CYP7B1: variants seen among roughly 807,000 people sequenced by gnomAD.
The protein encoded by CYP7B1 is cytochrome P450 7B1.
In CYP7B1, 29 loss-of-function variants were observed where a neutral mutation model predicts 42.7. The observed-to-expected ratio is 0.68, with a 90% CI of 0.51 to 0.93. The LOEUF is 0.93. Ranked by LOEUF, CYP7B1 falls within the 40% of genes least tolerant of loss-of-function variation. CYP7B1 has a pLI of 0.00. For synonymous variants in CYP7B1, 235 were observed against 218.2 expected (o/e 1.08, Z -0.68); for missense variants, 655 against 600.5 (o/e 1.09, Z -0.95).
Position 64,714,680 on chromosome 8 carries a change from C to T in CYP7B1, c.122+83786G>A, listed in dbSNP as rs114487791. ...CCTCAGTGATGGACAGGTCTGGACA[C>T]GACAACATCCCATTTCTGGTTCTGT... On this transcript the variant is annotated intron_variant, in intron 1 of 5. Transcript: ENST00000310193. Among the ~76,000 whole-genome samples the T allele has an allele frequency of 5.3e-4, 80 of 152,266 alleles. 1 individual carries two copies. The highest frequency in any genetic ancestry group is 1.7e-3 in the African/African-American group (72 of 41,550).
chr8:64,766,245 C>T (rs527983094), intron 1 of CYP7B1, among the ~76,000 whole-genome samples: 1 of 152,250 alleles, frequency 6.6e-6, no homozygotes, highest in South Asian at 2.1e-4. Flanking sequence ...ATGATGTCCA[C>T]TATAACATAG....
intron 4 of CYP7B1, among the ~76,000 whole-genome samples, chr8:64,610,901 A>G (rs1805353421): frequency 6.6e-6 from 1 of 152,168 alleles, no homozygotes; most frequent in Admixed American, 6.6e-5. Context: ...GTTTAGCAAC[A>G]TTTCTGAACC....
intron 1 of CYP7B1, among the ~76,000 whole-genome samples, chr8:64,646,689 T>A (rs1332941583): frequency 6.6e-6 from 1 of 152,212 alleles, no homozygotes; most frequent in East Asian, 1.9e-4. Flanking sequence ...ATCTTCTGGA[T>A]AACTTGCTGC....
At chr8:64,688,989 T>C (rs1216197246) in intron 1 of CYP7B1, among the ~76,000 whole-genome samples, 4 of 152,166 alleles carry the variant, frequency 2.6e-5, no homozygotes, top group Non-Finnish European at 4.4e-5. Flanking sequence ...TTCTGAGGCG[T>C]CTGCCATTAA....
intron 1 of CYP7B1, among the ~76,000 whole-genome samples, chr8:64,651,266 C>G (rs922032126): frequency 4.6e-5 from 7 of 152,200 alleles, no homozygotes; most frequent in Non-Finnish European, 1.0e-4. Flanking sequence ...CAAGACTACA[C>G]TGCAGAACTG....
intron 1 of CYP7B1, among the ~76,000 whole-genome samples, chr8:64,792,311 G>T (rs368072429): frequency 1.9e-4 from 29 of 152,280 alleles, no homozygotes; most frequent in East Asian, 1.4e-3. Flanking sequence ...AAAGGAACCA[G>T]GAATTGATGA....
At chr8:64,630,578 C>T (rs575434680) in intron 1 of CYP7B1, among the ~76,000 whole-genome samples, 1 of 152,352 alleles carries the variant, frequency 6.6e-6, no homozygotes, top group South Asian at 2.1e-4. Flanking sequence ...TGTCAACTCT[C>T]TCTGCTTATC....
chr8:64,688,487 T>C (rs1194209393), intron 1 of CYP7B1, among the ~76,000 whole-genome samples: 1 of 150,542 alleles, frequency 6.6e-6, no homozygotes, highest in Admixed American at 6.7e-5. Context: ...AAGCTGAAGA[T>C]ACACTGAATG....
At chr8:64,655,567 G>A (rs1480132575) in intron 1 of CYP7B1, among the ~76,000 whole-genome samples, 1 of 152,148 alleles carries the variant, frequency 6.6e-6, no homozygotes, top group African/African-American at 2.4e-5. Flanking sequence ...TTACACTGTT[G>A]GTGGGAGTGT....
chr8:64,694,715 G>C (rs998244909), intron 1 of CYP7B1, among the ~76,000 whole-genome samples: 1 of 152,118 alleles, frequency 6.6e-6, no homozygotes, highest in Non-Finnish European at 1.5e-5. Context: ...TGGAAGTATT[G>C]ATCCAAAAAA....
chr8:64,676,817 T>G (rs984004718), intron 1 of CYP7B1, among the ~76,000 whole-genome samples: 3 of 152,140 alleles, frequency 2.0e-5, no homozygotes, highest in Non-Finnish European at 4.4e-5. Flanking sequence ...CCCCAAGCTT[T>G]CAATTTAAAT....
chr8:64,735,151 G>A (rs1415338401), intron 1 of CYP7B1, among the ~76,000 whole-genome samples: 6 of 152,192 alleles, frequency 3.9e-5, no homozygotes, highest in East Asian at 3.9e-4. Flanking sequence ...TATAAAAACT[G>A]CATGTTCCCT....
chr8:64,755,644 A>C (rs1261138189), intron 1 of CYP7B1, among the ~76,000 whole-genome samples: 2 of 152,094 alleles, frequency 1.3e-5, no homozygotes, highest in East Asian at 3.9e-4. Context: ...GAGACCGGCA[A>C]ATTTTTTTCT....
intron 1 of CYP7B1, among the ~76,000 whole-genome samples, chr8:64,624,881 T>G (rs569146595): frequency 1.3e-5 from 2 of 151,292 alleles, no homozygotes; most frequent in East Asian, 3.9e-4. Flanking sequence ...ATGTAGTCTT[T>G]TATCCCTCAT....
chr8:64,692,929 A>G (rs953625697), intron 1 of CYP7B1, among the ~76,000 whole-genome samples: 3 of 152,160 alleles, frequency 2.0e-5, no homozygotes, highest in Non-Finnish European at 4.4e-5. Context: ...TCCATTTTCT[A>G]TTTCCAGAAT....
chr8:64,757,387 G>A (rs1259085668), intron 1 of CYP7B1, among the ~76,000 whole-genome samples: 1 of 152,124 alleles, frequency 6.6e-6, no homozygotes, highest in Non-Finnish European at 1.5e-5. Flanking sequence ...TGCCCAACAT[G>A]CTTATGCTTT....
intron 1 of CYP7B1, among the ~76,000 whole-genome samples, chr8:64,769,134 C>A (rs1196842192): frequency 6.6e-6 from 1 of 151,974 alleles, no homozygotes; most frequent in South Asian, 2.1e-4. Context: ...TGAGTAAAAC[C>A]AAATAAATGC....
intron 1 of CYP7B1, among the ~76,000 whole-genome samples, chr8:64,748,987 A>T (rs912745973): frequency 2.0e-5 from 3 of 152,242 alleles, no homozygotes; most frequent in African/African-American, 7.2e-5. Context: ...AGGTTAACCT[A>T]ATATGCAGAA....
At chr8:64,701,766 T>C (rs1806919647) in intron 1 of CYP7B1, among the ~76,000 whole-genome samples, 1 of 152,168 alleles carries the variant, frequency 6.6e-6, no homozygotes, top group South Asian at 2.1e-4. Context: ...GTTTCTTTGG[T>C]AATAAGCAAC....
Sources: gnomAD v4.1 joint callset for allele counts (sites outside exome capture counted in the v4.1 genomes callset) on GRCh38, gnomAD v4.1.1 for gene constraint, MANE v1.5 for transcripts, NCBI Gene and HGNC (gene_info 2026-07-23, HGNC 2026-07-21) for gene names.